The following TMEM117 variants were observed in gnomAD, a reference collection of about 807,000 sequenced individuals.
TMEM117 encodes the protein transmembrane protein 117.
Under a neutral mutation model 52.4 loss-of-function variants are expected in TMEM117, and 27 were observed. The ratio of observed to expected loss-of-function variants is 0.51; its 90% confidence interval spans 0.38 to 0.71. TMEM117 has a LOEUF of 0.71. TMEM117 is among the 30% of genes least tolerant of loss of function. The probability of loss-of-function intolerance (pLI) is 0.00; values close to 1 mark genes in which losing one functional copy is unlikely to be tolerated. For missense variants in TMEM117, 556 were observed against 630.5 expected (o/e 0.88, Z 1.26); for synonymous variants, 215 against 206.3 (o/e 1.04, Z -0.36).
intron 2 of TMEM117, among the ~76,000 whole-genome samples, chr12:43,915,406 A>G (rs762517185): frequency 6.6e-6 from 1 of 152,124 alleles, no homozygotes; most frequent in African/African-American, 2.4e-5. Context: ...TCTTGCCTCA[A>G]GGTTATTTTG....
At chr12:44,372,596 G>GAA (rs34063350) in intron 6 of TMEM117, among the ~76,000 whole-genome samples, 17 of 135,114 alleles carry the variant, frequency 1.3e-4, no homozygotes, top group African/African-American at 4.0e-4. Flanking sequence ...TCCCTGTGAT[G>GAA]AAAAAAAAAA....
chr12:44,180,622 T>C (rs556089598), intron 4 of TMEM117, among the ~76,000 whole-genome samples: 1 of 151,440 alleles, frequency 6.6e-6, no homozygotes, highest in Admixed American at 6.6e-5. Context: ...TTTGTTCTTG[T>C]GATAGTTTAC....
rs568792738 is a variant in TMEM117, at chr12:44,059,238, T to G, written c.411-84287T>G. ...CAGCTCAGGGATTGGGGACCCCTGA[T>G]GTATGGTTTAGAAATAAATTAGGAT... On this transcript the variant is annotated intron_variant, in intron 3 of 7. Coordinates refer to ENST00000266534, the MANE Select transcript of TMEM117 (RefSeq NM_032256.3). 1.3e-5 allele frequency among the ~76,000 whole-genome samples: 2 copies of G among 152,280 alleles called. 1 individual carries two copies. Among genetic ancestry groups the G allele is most frequent in the South Asian group, 4.1e-4 (2 of 4,828 alleles).
At chr12:43,804,261 G>C in the TMEM117 span, 1 of 516,722 alleles carries the variant, frequency 1.9e-6, no homozygotes, top group Non-Finnish European at 3.7e-6. Flanking sequence ...AAAAGTAAAA[G>C]AGGAAGAAGT....
At chr12:44,048,406 C>G (rs567028325) in intron 3 of TMEM117, among the ~76,000 whole-genome samples, 29 of 151,986 alleles carry the variant, frequency 1.9e-4, no homozygotes, top group Admixed American at 9.8e-4. Flanking sequence ...ATTTGTTTTA[C>G]TGTTATTTTT....
chr12:43,799,307 A>C, the TMEM117 span: 5 of 807,710 alleles, frequency 6.2e-6, no homozygotes, highest in South Asian at 1.1e-4. Context: ...TAACTTCTTT[A>C]ATCTCTAGTT....
At chr12:43,915,588 C>T (rs1473634482) in intron 2 of TMEM117, among the ~76,000 whole-genome samples, 1 of 152,174 alleles carries the variant, frequency 6.6e-6, no homozygotes, top group East Asian at 1.9e-4. Context: ...GTTTATTGCA[C>T]TTAGTCCCAG....
At chr12:44,223,950 T>A (rs1215202180) in intron 5 of TMEM117, among the ~76,000 whole-genome samples, 2 of 152,202 alleles carry the variant, frequency 1.3e-5, no homozygotes, top group African/African-American at 4.8e-5. Flanking sequence ...TGATCCATCA[T>A]CCTGGCTGTC....
intron 5 of TMEM117, among the ~76,000 whole-genome samples, chr12:44,240,292 G>T (rs185407249): frequency 5.2e-4 from 79 of 152,252 alleles, no homozygotes; most frequent in African/African-American, 1.8e-3. Flanking sequence ...GTTGTAGGAA[G>T]AAGGAAGGTG....
At chr12:44,076,506 A>G (rs141169856) in intron 3 of TMEM117, among the ~76,000 whole-genome samples, 4 of 152,312 alleles carry the variant, frequency 2.6e-5, no homozygotes, top group African/African-American at 9.6e-5. Flanking sequence ...GGTGTTAGAA[A>G]GGTTTTCATA....
chr12:44,325,490 T>A (rs1275721578), intron 6 of TMEM117, among the ~76,000 whole-genome samples: 1 of 150,642 alleles, frequency 6.6e-6, no homozygotes, highest in Non-Finnish European at 1.5e-5. Context: ...CAACTATTTA[T>A]ATTTATATTA....
intron 2 of TMEM117, among the ~76,000 whole-genome samples, chr12:43,852,027 G>A (rs373706183): frequency 3.0e-4 from 46 of 151,000 alleles, no homozygotes; most frequent in South Asian, 1.9e-3. Flanking sequence ...AGCTGGGCGC[G>A]GTGGCTCACG....
chr12:44,024,141 G>T (rs140083385), intron 3 of TMEM117, among the ~76,000 whole-genome samples: 2 of 152,164 alleles, frequency 1.3e-5, no homozygotes, highest in Admixed American at 1.3e-4. Context: ...GAGCCTAAGC[G>T]TAATATTGCT....
At chr12:43,885,044 G>A (rs1448940531) in intron 2 of TMEM117, among the ~76,000 whole-genome samples, 1 of 152,064 alleles carries the variant, frequency 6.6e-6, no homozygotes, top group Non-Finnish European at 1.5e-5. Flanking sequence ...TAATGTCTTG[G>A]TAAATTATTC....
intron 5 of TMEM117, among the ~76,000 whole-genome samples, chr12:44,223,160 T>C (rs928426788): frequency 6.6e-6 from 1 of 152,028 alleles, no homozygotes; most frequent in Non-Finnish European, 1.5e-5. Flanking sequence ...GTATTAAGCC[T>C]AGTATCCATT....
At chr12:44,360,718 G>A (rs1024584874) in intron 6 of TMEM117, among the ~76,000 whole-genome samples, 7 of 152,104 alleles carry the variant, frequency 4.6e-5, no homozygotes, top group Non-Finnish European at 1.5e-5. Context: ...ATGATGTCGA[G>A]AATATGAAGT....
chr12:44,278,167 T>A (rs920032176), intron 5 of TMEM117, among the ~76,000 whole-genome samples: 4 of 152,164 alleles, frequency 2.6e-5, no homozygotes, highest in African/African-American at 7.2e-5. Flanking sequence ...TAATTAATGC[T>A]GCAAAAATCC....
chr12:44,298,914 A>C (rs2138638871), intron 5 of TMEM117, among the ~76,000 whole-genome samples: 1 of 150,614 alleles, frequency 6.6e-6, no homozygotes, highest in East Asian at 1.9e-4. Context: ...AGATTTCCTC[A>C]CCCATTCACC....
chr12:43,964,291 C>T (rs1945449948), intron 3 of TMEM117, among the ~76,000 whole-genome samples: 1 of 152,066 alleles, frequency 6.6e-6, no homozygotes, highest in Non-Finnish European at 1.5e-5. Context: ...AGCACAAGGG[C>T]ATGGTAAGTG....
Sources: gnomAD v4.1 joint callset for allele counts (sites outside exome capture counted in the v4.1 genomes callset) on GRCh38, gnomAD v4.1.1 for gene constraint, MANE v1.5 for transcripts, NCBI Gene and HGNC (gene_info 2026-07-23, HGNC 2026-07-21) for gene names.